KALRN: variants seen among roughly 807,000 people sequenced by gnomAD.
KALRN encodes kalirin.
Under a neutral mutation model 353.7 loss-of-function variants are expected in KALRN, and 70 were observed. That is an observed-to-expected ratio of 0.20 (90% CI 0.16 to 0.24). The LOEUF is 0.24. Among genes scored for constraint, KALRN ranks in the 10% least tolerant of loss-of-function variants. The pLI, the probability that KALRN is intolerant of heterozygous loss-of-function variation, is 1.00. For missense variants in KALRN, 2,791 were observed against 3,756.7 expected (o/e 0.74, Z 6.72); for synonymous variants, 1,391 against 1,434.8 (o/e 0.97, Z 0.69).
intron 5 of KALRN, among the ~76,000 whole-genome samples, chr3:124,276,769 G>T (rs1043629339): frequency 1.3e-5 from 2 of 152,210 alleles, no homozygotes; most frequent in Non-Finnish European, 2.9e-5. Context: ...TCCAGTCCAT[G>T]GTTCATCATC....
chr3:124,678,329 C>T lies in KALRN; in HGVS notation c.7317+16C>T, dbSNP rs372609787. The T allele has an allele frequency of 9.9e-6, 16 of 1,612,316 alleles. No homozygotes were observed. Among genetic ancestry groups the T allele is most frequent in the Admixed American group, 8.3e-5 (5 of 59,948 alleles). ...CTCTGTTAAAGTGAGTAAGGTATTC[C>T]GGAGCTGCGTCCCCACCTGTCATCC... On this transcript the variant is annotated intron_variant, in intron 50 of 59. Coordinates refer to ENST00000682506, the MANE Select transcript of KALRN (RefSeq NM_001388419.1).
At chr3:124,346,227 G>A (rs75657125) in intron 9 of KALRN, among the ~76,000 whole-genome samples, 2 of 152,148 alleles carry the variant, frequency 1.3e-5, no homozygotes, top group African/African-American at 4.8e-5. Context: ...CTGCAAGAAT[G>A]CAAAATGGGT....
chr3:124,264,410 G>A (rs756738449), intron 3 of KALRN, 88 bp from the exon 4 acceptor site: 31 of 1,048,584 alleles, frequency 3.0e-5, no homozygotes, highest in Non-Finnish European at 3.8e-5. Context: ...TGGTCAAGGG[G>A]AGTGCAGGTT....
At chr3:124,176,484 G>T (rs1181817459) in intron 1 of KALRN, among the ~76,000 whole-genome samples, 1 of 152,140 alleles carries the variant, frequency 6.6e-6, no homozygotes, top group Admixed American at 6.5e-5. Context: ...GACACTTTGG[G>T]ATATCAATTG....
intron 1 of KALRN, among the ~76,000 whole-genome samples, chr3:124,074,858 A>G (rs536316843): frequency 6.6e-6 from 1 of 152,328 alleles, no homozygotes; most frequent in South Asian, 2.1e-4. Flanking sequence ...CAAGTAGTTT[A>G]CTGAAAAAGT....
chr3:124,175,775 G>C (rs1296051426), intron 1 of KALRN, among the ~76,000 whole-genome samples: 2 of 152,228 alleles, frequency 1.3e-5, no homozygotes, highest in African/African-American at 4.8e-5. Context: ...GCACAGACGT[G>C]GTTGCCTTGC....
rs754674010 is a variant in KALRN at position 124,632,558 on chromosome 3, C to T, written c.5321C>T (p.Thr1774Met). ...RSTNTLKKWL[T>M]SPVRRLNSGK... ...ACCAACACTCTTAAGAAGTGGCTGA[C>T]GAGTCCTGTGCGTCGGCTTAACAGC... Residue 1774 changes from threonine (T) to methionine (M), a missense_variant, in exon 35 of 60, where the codon ACG becomes ATG. Thr to Met is a moderately conservative substitution (Grantham distance 81, BLOSUM62 -1). This residue lies in a region of KALRN where 1,065 missense variants were observed against 1,156.4 expected (regional missense o/e 0.92). Coordinates refer to ENST00000682506, the MANE Select transcript of KALRN (RefSeq NM_001388419.1). 3.7e-6 allele frequency: 6 copies of T among 1,614,190 alleles called. No individual in the cohort carries two copies. Among genetic ancestry groups the T allele is most frequent in the Non-Finnish European group, 4.2e-6 (5 of 1,180,038 alleles).
At chr3:124,670,913 G>A (rs2086341626) in intron 47 of KALRN, among the ~76,000 whole-genome samples, 2 of 152,086 alleles carry the variant, frequency 1.3e-5, no homozygotes, top group Admixed American at 6.5e-5. Context: ...AGCCATCCTC[G>A]ATTCTTGCAT....
At chr3:124,328,263 C>T (rs1489482122) in intron 7 of KALRN, among the ~76,000 whole-genome samples, 1 of 152,168 alleles carries the variant, frequency 6.6e-6, no homozygotes, top group African/African-American at 2.4e-5. Flanking sequence ...TTCTTAGGGC[C>T]ATGAGAATAT....
chr3:124,589,393 C>T (rs901441213), intron 34 of KALRN, among the ~76,000 whole-genome samples: 26 of 152,144 alleles, frequency 1.7e-4, no homozygotes, highest in African/African-American at 6.3e-4. Flanking sequence ...CCCAGGAGAT[C>T]AAGACCAGCC....
chr3:124,363,321 C>A (rs1339625800), intron 10 of KALRN, among the ~76,000 whole-genome samples: 1 of 152,088 alleles, frequency 6.6e-6, no homozygotes, highest in East Asian at 1.9e-4. Context: ...GCATTTCTTC[C>A]TTGTGGGAAG....
At chr3:124,218,080 G>A (rs990614484) in intron 1 of KALRN, among the ~76,000 whole-genome samples, 12 of 152,182 alleles carry the variant, frequency 7.9e-5, no homozygotes, top group Non-Finnish European at 1.2e-4. Flanking sequence ...CCTAAACTCT[G>A]TGGTCAGCCA....
intron 1 of KALRN, among the ~76,000 whole-genome samples, chr3:124,143,694 GGAA>G (rs1306230006): frequency 6.6e-6 from 1 of 152,124 alleles, no homozygotes; most frequent in East Asian, 1.9e-4. Flanking sequence ...TGCTAGTGAT[GGAA>G]TGCCATCTAT....
intron 1 of KALRN, among the ~76,000 whole-genome samples, chr3:124,057,723 T>G (rs2149193572): frequency 6.6e-6 from 1 of 152,242 alleles, no homozygotes; most frequent in East Asian, 1.9e-4. Flanking sequence ...GCCTCCCTAC[T>G]TCTCTCTGGA....
chr3:124,343,717 G>A (rs894482619), intron 9 of KALRN, among the ~76,000 whole-genome samples: 4 of 152,106 alleles, frequency 2.6e-5, no homozygotes, highest in Non-Finnish European at 5.9e-5. Context: ...GAAACCTTCC[G>A]TGACTCCCCA....
At chr3:124,495,563 C>T (rs1354507447) in intron 32 of KALRN, among the ~76,000 whole-genome samples, 1 of 151,276 alleles carries the variant, frequency 6.6e-6, no homozygotes, top group Non-Finnish European at 1.5e-5. Flanking sequence ...ATGGTGAAAC[C>T]ACGTCTCCAC....
At chr3:124,704,449 G>C (rs769532492) in intron 57 of KALRN, among the ~76,000 whole-genome samples, 1 of 152,186 alleles carries the variant, frequency 6.6e-6, no homozygotes, top group Non-Finnish European at 1.5e-5. Context: ...CCTGAAGCTT[G>C]TCCTCTCTCC....
In KALRN at chr3:124,439,151, CTCTCTT is replaced by C. The variant is rs1044166373; in HGVS notation, c.3198+125_3198+130del. The C allele has an allele frequency of 3.3e-5, 34 of 1,040,536 alleles. No homozygotes were observed. The African/African-American group carries it at 4.4e-4, about 13-fold the overall frequency. 64.5% of individuals were successfully genotyped at this position (1,040,536 alleles called of 1,614,324 possible). On this transcript the variant is annotated intron_variant, in intron 18 of 59. Coordinates refer to ENST00000682506, the MANE Select transcript of KALRN (RefSeq NM_001388419.1). The stretch of plus-strand genomic sequence containing the variant: ...TCTCTTTCTCTCTCTTTCTCTTTCT[CTCTCTT>C]TCTCTTTCTCCTCCTCCTCCTTCTT...
intron 10 of KALRN, among the ~76,000 whole-genome samples, chr3:124,348,690 T>C (rs913816870): frequency 4.6e-5 from 7 of 152,204 alleles, no homozygotes; most frequent in Non-Finnish European, 8.8e-5. Context: ...CACTTCAGGC[T>C]GTCTCCCTAA....
Sources: gnomAD v4.1 joint callset for allele counts (sites outside exome capture counted in the v4.1 genomes callset) on GRCh38, gnomAD v4.1.1 for gene constraint, gnomAD v4.1.1 regional missense constraint, MANE v1.5 for transcripts, NCBI Gene and HGNC (gene_info 2026-07-23, HGNC 2026-07-21) for gene names.